Variants in SH3YL1 observed in about 807,000 individuals in gnomAD.
SH3YL1 encodes SH3 domain-containing YSC84-like protein 1.
A neutral mutation model predicts 45.8 loss-of-function variants in SH3YL1; 41 were observed. That is an observed-to-expected ratio of 0.89 (90% CI 0.70 to 1.16). The LOEUF is 1.16. SH3YL1 is among the 50% of genes most tolerant of loss of function. The probability of loss-of-function intolerance (pLI) is 0.00; values close to 1 mark genes in which losing one functional copy is unlikely to be tolerated. For missense variants in SH3YL1, 389 were observed against 409.6 expected (o/e 0.95, Z 0.43); for synonymous variants, 152 against 151.4 (o/e 1.00, Z -0.03).
chr2:232,531 G>T (rs1039968702), intron 6 of SH3YL1, among the ~76,000 whole-genome samples: 4 of 151,774 alleles, frequency 2.6e-5, no homozygotes, highest in African/African-American at 9.7e-5. Flanking sequence ...CCATGTTGGT[G>T]TGCTGCACCC....
intron 1 of SH3YL1, chr2:262,863 G>A (rs1669643063): frequency 8.6e-6 from 4 of 465,386 alleles, no homozygotes; most frequent in Admixed American, 4.4e-5. Flanking sequence ...TACAAAAGAT[G>A]AGGGGTAACA....
intron 1 of SH3YL1, among the ~76,000 whole-genome samples, chr2:255,594 C>T (rs554318937): frequency 2.0e-5 from 3 of 152,252 alleles, no homozygotes; most frequent in East Asian, 3.9e-4. Context: ...AAAGCCCTGC[C>T]TCAAAATAAA....
upstream of SH3YL1, chr2:264,198 C>T: frequency 1.8e-6 from 1 of 559,074 alleles, no homozygotes; most frequent in Non-Finnish European, 2.9e-6. Context: ...GACTTCGGAA[C>T]CGCCCCGTCC....
intron 4 of SH3YL1, among the ~76,000 whole-genome samples, chr2:236,353 G>C (rs1362021838): frequency 6.6e-6 from 1 of 152,120 alleles, no homozygotes; most frequent in Admixed American, 6.5e-5. Flanking sequence ...CTTTTAACCA[G>C]TCTTTGTGTC....
At chr2:234,709 C>T (rs530493481) in intron 4 of SH3YL1, among the ~76,000 whole-genome samples, 2 of 152,238 alleles carry the variant, frequency 1.3e-5, no homozygotes, top group East Asian at 3.9e-4. Context: ...GCACCAGGGA[C>T]GATGGTGCTG....
intron 2 of SH3YL1, among the ~76,000 whole-genome samples, chr2:251,594 C>T (rs1056015718): frequency 6.6e-6 from 1 of 152,126 alleles, no homozygotes; most frequent in Non-Finnish European, 1.5e-5. Context: ...TTTCTTTAAG[C>T]TCTAAAGCAG....
chr2:252,298 C>T lies in SH3YL1; in HGVS notation c.112+707G>A, dbSNP rs62114536. On this transcript the variant is annotated intron_variant, in intron 2 of 9. Coordinates refer to ENST00000356150, the MANE Select transcript of SH3YL1 (RefSeq NM_015677.4). ...AAATGTCTTATGTGGAAGGAGGAAA[C>T]ACAAAATTAAAATTTATGTATGAGA... Among the ~76,000 whole-genome samples, 249 of 152,304 alleles carry T rather than the reference C, an allele frequency of 1.6e-3. 1 individual carries two copies. The highest frequency in any genetic ancestry group is 3.0e-3 in the Non-Finnish European group (202 of 68,036).
At chr2:247,623 C>G (rs376311077) in intron 3 of SH3YL1, 21 bp from the exon 4 acceptor site, 1 of 1,545,204 alleles carries the variant, frequency 6.5e-7, no homozygotes, top group South Asian at 1.2e-5. Context: ...AACAAACGAA[C>G]GTTATCCTAA....
At chr2:243,462 G>A in intron 4 of SH3YL1, 5 of 1,476,878 alleles carry the variant, frequency 3.4e-6, no homozygotes, top group Non-Finnish European at 4.5e-6. Flanking sequence ...TGAGAAATTA[G>A]ATAATATTTT....
rs531492216 is a variant in SH3YL1, at chr2:241,224, A to G, written c.291+6314T>C. On this transcript the variant is annotated intron_variant, in intron 4 of 9. Coordinates refer to ENST00000356150, the MANE Select transcript of SH3YL1 (RefSeq NM_015677.4). Reference sequence around the variant, plus strand: ...TATTGATAAAAACATAAAATTATATAAAAGAACCAAATGGAAATTCTGGAG... The same window carrying G: ...TATTGATAAAAACATAAAATTATATGAAAGAACCAAATGGAAATTCTGGAG... The G allele has an allele frequency of 2.6e-5, 4 of 152,302 alleles. No individual in the cohort carries two copies. The South Asian group carries it at 6.2e-4, about 24-fold the overall frequency. The allele number at this position is 152,302 out of a possible 1,614,324, so 9.4% of individuals were successfully genotyped here.
rs1465626413 is a variant in SH3YL1, at chr2:232,504, G to T, written c.533+597C>A. Reference sequence around the variant, plus strand: ...CATGTGCACAATGTGCAGGTTTGTTGCATAGGTATACATATGCCATGTTGG... The same window carrying T: ...CATGTGCACAATGTGCAGGTTTGTTTCATAGGTATACATATGCCATGTTGG... On this transcript the variant is annotated intron_variant, in intron 6 of 9. Coordinates refer to ENST00000356150, the MANE Select transcript of SH3YL1 (RefSeq NM_015677.4). 5.3e-5 allele frequency among the ~76,000 whole-genome samples: 8 copies of T among 151,174 alleles called. No individual in the cohort carries two copies. In the South Asian group the frequency reaches 1.7e-3, roughly 31 times the overall value.
chr2:255,272 G>T (rs1669266666), intron 1 of SH3YL1, among the ~76,000 whole-genome samples: 1 of 152,174 alleles, frequency 6.6e-6, no homozygotes, highest in African/African-American at 2.4e-5. Context: ...AATAAAATGT[G>T]ATATATTTTG....
intron 9 of SH3YL1, among the ~76,000 whole-genome samples, chr2:220,441 T>G (rs1288276815): frequency 2.6e-5 from 4 of 152,164 alleles, no homozygotes; most frequent in Admixed American, 6.5e-5. Context: ...ATATTTTATT[T>G]TGTCCTATAT....
At chr2:254,960 C>G (rs542518504) in intron 1 of SH3YL1, among the ~76,000 whole-genome samples, 1 of 152,296 alleles carries the variant, frequency 6.6e-6, no homozygotes, top group East Asian at 1.9e-4. Context: ...AGCCCCCTAC[C>G]CACTTCAAGT....
At chr2:263,908 G>C in intron 1 of SH3YL1, 76 bp downstream of exon 1, 2 of 1,296,570 alleles carry the variant, frequency 1.5e-6, no homozygotes, top group South Asian at 2.6e-5. Context: ...CGGTTTTCCC[G>C]TCCTCCTCCT....
chr2:242,793 G>A (rs62114506), intron 4 of SH3YL1: 2 of 1,535,800 alleles, frequency 1.3e-6, no homozygotes, highest in East Asian at 2.5e-5. Flanking sequence ...TAGATTCAAA[G>A]TTACCATTAG....
rs1408751889 is a variant in SH3YL1, at chr2:230,009, T to C, written c.738A>G (p.Pro246=). ...GCTGGACTGGTGCAGATGACTGCTG[T>C]GGTCTTGACAATGGCTTTGGAGGTA... ...KELPPKPLSR[P]QQSSAPVQLN... The change falls in exon 8 of 10, where the codon CCA becomes CCG. Residue 246 remains proline (P), a synonymous_variant. Transcript: ENST00000356150. 1 of 1,611,342 alleles carries C rather than the reference T, an allele frequency of 6.2e-7. No individual in the cohort carries two copies. The highest frequency in any genetic ancestry group is 1.7e-5 in the Admixed American group (1 of 59,822).
chr2:256,749 G>C (rs112867614), intron 1 of SH3YL1: 9 of 152,298 alleles, frequency 5.9e-5, no homozygotes, highest in African/African-American at 2.2e-4. Context: ...CCTAGGATAG[G>C]AATTGCCAGT....
At chr2:243,567 T>TA (rs11383620) in intron 4 of SH3YL1, 771,132 of 1,350,772 alleles carry the variant, frequency 0.57, 167,324 homozygotes, top group East Asian at 0.67. Context: ...ATGTGTCTAT[T>TA]AAAAAAAAAA....
Sources: gnomAD v4.1 joint callset for allele counts (sites outside exome capture counted in the v4.1 genomes callset) on GRCh38, gnomAD v4.1.1 for gene constraint, MANE v1.5 for transcripts, NCBI Gene and HGNC (gene_info 2026-07-23, HGNC 2026-07-21) for gene names.